The following CPAMD8 variants were observed in gnomAD, a reference collection of about 807,000 sequenced individuals.
The protein encoded by CPAMD8 is C3 and PZP like alpha-2-macroglobulin domain containing 8.
CPAMD8 carries 146 observed loss-of-function variants against 224.7 expected under a neutral mutation model. The observed-to-expected ratio is 0.65, with a 90% CI of 0.57 to 0.75. The LOEUF is 0.75. CPAMD8 is among the 30% of genes least tolerant of loss of function. The pLI is 0.00. For missense variants in CPAMD8, 2,301 were observed against 2,537.5 expected (o/e 0.91, Z 2.00); for synonymous variants, 966 against 1,044.6 (o/e 0.92, Z 1.45).
chr19:17,019,815 C>T lies in CPAMD8; in HGVS notation c.267+516G>A, dbSNP rs780540211. On this transcript the variant is annotated intron_variant, in intron 3 of 41. Coordinates refer to ENST00000443236, the MANE Select transcript of CPAMD8 (RefSeq NM_015692.5). The stretch of plus-strand genomic sequence containing the variant: ...AATTCCTGGGCTCCAGAGATCAACC[C>T]ACCTCAGCCTCGCAAAGTGCTGGGA... 2.0e-5 allele frequency among the ~76,000 whole-genome samples: 3 copies of T among 152,058 alleles called. No homozygotes were observed. In the South Asian group the frequency reaches 6.2e-4, roughly 32 times the overall value.
intron 1 of CPAMD8, 83 bp from the exon 2 acceptor site, chr19:17,022,264 C>T (rs529203142): frequency 9.8e-5 from 145 of 1,472,540 alleles, no homozygotes; most frequent in South Asian, 9.4e-4. Flanking sequence ...GGGCTCTCCT[C>T]GCAGCAGACT....
intron 12 of CPAMD8, among the ~76,000 whole-genome samples, chr19:16,991,552 C>T (rs2055949299): frequency 6.6e-6 from 1 of 152,032 alleles, no homozygotes; most frequent in Admixed American, 6.6e-5. Context: ...GCTGTGGTCA[C>T]TCTCTTAAAA....
intron 30 of CPAMD8, among the ~76,000 whole-genome samples, chr19:16,906,135 T>A (rs1253475264): frequency 6.6e-6 from 1 of 152,134 alleles, no homozygotes; most frequent in Non-Finnish European, 1.5e-5. Flanking sequence ...AAAGTGATGC[T>A]TGGGGCTGGT....
chr19:16,902,989 C>G (rs1568453824), intron 34 of CPAMD8, 126 bp from the exon 35 acceptor site: 4 of 626,532 alleles, frequency 6.4e-6, no homozygotes, highest in Non-Finnish European at 1.1e-5. Context: ...ACATCCATGA[C>G]AGTTTTAGAG....
chr19:16,905,565 AAAAG>A, intron 30 of CPAMD8, among the ~76,000 whole-genome samples: 1 of 130,928 alleles, frequency 7.6e-6, no homozygotes, highest in South Asian at 2.6e-4. Flanking sequence ...AAAAAGGAAG[AAAAG>A]AAAAAAAAAA....
At chr19:16,948,477 T>G (rs2054178218) in intron 20 of CPAMD8, among the ~76,000 whole-genome samples, 1 of 152,090 alleles carries the variant, frequency 6.6e-6, no homozygotes, top group Non-Finnish European at 1.5e-5. Context: ...CTGGGTGCGG[T>G]GGCTCACACC....
intron 5 of CPAMD8, 99 bp from the exon 6 acceptor site, chr19:17,009,419 G>A (rs943137476): frequency 1.6e-5 from 25 of 1,593,038 alleles, no homozygotes; most frequent in African/African-American, 8.1e-5. Flanking sequence ...ACAGGCAGTC[G>A]CTGTTATGGG....
intron 15 of CPAMD8, 55 bp downstream of exon 15, chr19:16,977,313 G>C: frequency 7.9e-7 from 1 of 1,262,770 alleles, no homozygotes; most frequent in Non-Finnish European, 1.1e-6. Context: ...CCAGCACCTT[G>C]GAGAAGCCCC....
chr19:16,894,360 C>A, intron 41 of CPAMD8: 1 of 455,738 alleles, frequency 2.2e-6, no homozygotes, highest in Non-Finnish European at 4.4e-6. Flanking sequence ...GAGTCACAGG[C>A]TGATAGGGAC....
In CPAMD8 at chr19:17,005,472, G is replaced by T. The variant is rs113036323; in HGVS notation, c.560-1086C>A. On this transcript the variant is annotated intron_variant, in intron 7 of 41. Transcript: ENST00000443236. Reference sequence around the variant, plus strand: ...CACTCTCTCCCCAAACATCCCCCCAGAAACACCATCAGCCGCTGACATGGG... The same window carrying T: ...CACTCTCTCCCCAAACATCCCCCCATAAACACCATCAGCCGCTGACATGGG... Among the ~76,000 whole-genome samples, 404 of 139,210 alleles carry T rather than the reference G, an allele frequency of 2.9e-3. 2 individuals are homozygous for T. The highest frequency in any genetic ancestry group is 0.01 in the African/African-American group (376 of 37,192). The allele number at this position is 139,210 out of a possible 152,430, so 91.3% of individuals were successfully genotyped here. A position where few individuals can be genotyped will look rare whatever the true frequency, so the allele number is the denominator to read the frequency against.
At chr19:17,008,464 A>G in intron 7 of CPAMD8, 41 bp downstream of exon 7, 1 of 1,609,754 alleles carries the variant, frequency 6.2e-7, no homozygotes, top group Non-Finnish European at 8.5e-7. Flanking sequence ...TGGAAGGTTT[A>G]TCACATCTGC....
At chr19:16,993,683 G>C (rs2056034922) in intron 11 of CPAMD8, 97 bp from the exon 12 acceptor site, 1 of 1,167,606 alleles carries the variant, frequency 8.6e-7, no homozygotes, top group African/African-American at 1.5e-5. Context: ...ATCCCAGCAG[G>C]CTTCTTTGTA....
intron 13 of CPAMD8, among the ~76,000 whole-genome samples, chr19:16,986,287 C>T (rs1023710554): frequency 6.6e-6 from 1 of 152,162 alleles, no homozygotes; most frequent in Non-Finnish European, 1.5e-5. Flanking sequence ...GCCCGGGCCC[C>T]TCATGGCAGT....
chr19:16,935,462 T>C (rs1042850107), intron 23 of CPAMD8, among the ~76,000 whole-genome samples: 2 of 152,198 alleles, frequency 1.3e-5, no homozygotes, highest in Admixed American at 1.3e-4. Flanking sequence ...ATGACCTCCA[T>C]TTATAAAATT....
intron 16 of CPAMD8, among the ~76,000 whole-genome samples, 159 bp from the exon 17 acceptor site, chr19:16,975,417 C>T (rs1485823622): frequency 1.3e-5 from 2 of 152,166 alleles, no homozygotes; most frequent in Admixed American, 6.6e-5. Context: ...TTAAGATGGG[C>T]AAACAGGAGC....
intron 3 of CPAMD8, among the ~76,000 whole-genome samples, chr19:17,016,888 CTT>C (rs780842036): frequency 2.1e-5 from 3 of 143,360 alleles, no homozygotes. Context: ...GTTCTAGGGT[CTT>C]TTTTTTTTTT....
At chr19:16,907,173 C>T in intron 29 of CPAMD8, 56 bp from the exon 30 acceptor site, 1 of 1,455,604 alleles carries the variant, frequency 6.9e-7, no homozygotes, top group Non-Finnish European at 9.1e-7. Flanking sequence ...CCCATCCCAC[C>T]CACCCACTGG....
chr19:16,980,984 C>T (rs1279101040), intron 13 of CPAMD8, among the ~76,000 whole-genome samples: 2 of 152,056 alleles, frequency 1.3e-5, no homozygotes, highest in Non-Finnish European at 2.9e-5. Context: ...AGGCGCCCGC[C>T]ACCATGCCGG....
intron 11 of CPAMD8, among the ~76,000 whole-genome samples, chr19:16,996,248 G>A (rs1442222530): frequency 3.3e-5 from 5 of 152,130 alleles, no homozygotes; most frequent in East Asian, 1.9e-4. Flanking sequence ...TGAGGCAGGC[G>A]GATTGCTTGA....
Sources: gnomAD v4.1 joint callset for allele counts (sites outside exome capture counted in the v4.1 genomes callset) on GRCh38, gnomAD v4.1.1 for gene constraint, MANE v1.5 for transcripts, NCBI Gene and HGNC (gene_info 2026-07-23, HGNC 2026-07-21) for gene names.